YBEY: variants seen among roughly 807,000 people sequenced by gnomAD.
YBEY encodes the protein ybeY metalloendoribonuclease.
In YBEY, 15 loss-of-function variants were observed where a neutral mutation model predicts 13.5. The observed-to-expected ratio is 1.11, with a 90% confidence interval of 0.75 to 1.72. The LOEUF is 1.72. Among genes scored for constraint, YBEY ranks in the 40% most tolerant of loss-of-function variants. The probability of loss-of-function intolerance (pLI) is 0.00; values close to 1 mark genes in which losing one functional copy is unlikely to be tolerated. For synonymous variants in YBEY, 101 were observed against 83.1 expected, an observed-to-expected ratio of 1.21 and a Z score of -1.17; for missense variants, 244 against 208.4, an observed-to-expected ratio of 1.17 and a Z score of -1.05.
chr21:46,300,992 T>A (rs1294766168), downstream of YBEY: 1 of 859,914 alleles, frequency 1.2e-6, no homozygotes, highest in East Asian at 6.5e-5. Flanking sequence ...GAGCCGCCCT[T>A]CCACTGCCCA....
downstream of YBEY, chr21:46,301,195 G>A: frequency 1.7e-6 from 1 of 572,674 alleles, no homozygotes; most frequent in Non-Finnish European, 2.2e-6. Flanking sequence ...AGGCTATAGT[G>A]CAGTGGTTCC....
the YBEY span, among the ~76,000 whole-genome samples, chr21:46,304,590 C>T: frequency 6.6e-6 from 1 of 152,102 alleles, no homozygotes; most frequent in African/African-American, 2.4e-5. Flanking sequence ...ATGCCCACCA[C>T]GCTGGCAAAA....
chr21:46,310,852 A>G, the YBEY span, among the ~76,000 whole-genome samples: 2 of 151,242 alleles, frequency 1.3e-5, no homozygotes, highest in African/African-American at 2.4e-5. Flanking sequence ...TTAAAAATCA[A>G]GTATTTAAAA....
At chr21:46,295,652 C>G (rs1352644860) in intron 3 of YBEY, among the ~76,000 whole-genome samples, 1 of 152,196 alleles carries the variant, frequency 6.6e-6, no homozygotes, top group Non-Finnish European at 1.5e-5. Context: ...CTCTCCCGCA[C>G]TCCCTGTGCT....
chr21:46,294,604 C>G (rs1321655832), intron 3 of YBEY, among the ~76,000 whole-genome samples: 1 of 87,666 alleles, frequency 1.1e-5, no homozygotes, highest in African/African-American at 4.0e-5. Flanking sequence ...TGACCCGTGC[C>G]CGGGACTCAG....
intron 4 of YBEY, 121 bp downstream of exon 4, chr21:46,296,351 C>A (rs1229764862): frequency 1.9e-6 from 2 of 1,079,770 alleles, no homozygotes; most frequent in African/African-American, 1.6e-5. Flanking sequence ...CTCAGACCTG[C>A]CCTTGTAAAA....
At chr21:46,298,982 A>G (rs1475027386), downstream of YBEY, among the ~76,000 whole-genome samples, 3 of 151,336 alleles carry the variant, frequency 2.0e-5, no homozygotes, top group Admixed American at 6.6e-5. Flanking sequence ...TCAGCCTCCC[A>G]AAGTGCTGGG....
chr21:46,290,189 C>G (rs1229053877), intron 2 of YBEY, among the ~76,000 whole-genome samples: 1 of 149,872 alleles, frequency 6.7e-6, no homozygotes, highest in Non-Finnish European at 1.5e-5. Context: ...CTAATGGCTC[C>G]ATTTTTATTC....
intron 4 of YBEY, among the ~76,000 whole-genome samples, chr21:46,296,582 A>G (rs911781031): frequency 1.2e-4 from 19 of 152,186 alleles, no homozygotes; most frequent in African/African-American, 4.3e-4. Flanking sequence ...CTCCAGACCC[A>G]TGCGCTCCGC....
At position 46,297,640 on chromosome 21, in the gene YBEY, G is replaced by C; in HGVS notation, c.*6G>C. ...GCCTCTTCGGAGGGAGCTGAGGGCCGCGTTCCTTCTGAAAGCGGGACGCGG... is the reference window on the plus strand; with the variant it reads ...GCCTCTTCGGAGGGAGCTGAGGGCCCCGTTCCTTCTGAAAGCGGGACGCGG... On this transcript the variant is annotated 3_prime_UTR_variant, in exon 5 of 5. Transcript: ENST00000397701. 7.7e-7 allele frequency: 1 copy of C among 1,301,572 alleles called. No homozygotes were observed. Among genetic ancestry groups the C allele is most frequent in the Non-Finnish European group, 9.9e-7 (1 of 1,012,716 alleles). 80.6% of individuals were successfully genotyped at this position (1,301,572 alleles called of 1,614,324 possible).
At position 46,292,031 on chromosome 21, in the gene YBEY, C is replaced by G. The variant is rs548951064; in HGVS notation, c.339+569C>G. ...TTGGCAGGCAGGGGCTAGGGAATGC[C>G]TGCTGCTGATCGGCTGCAGACGGAC... On this transcript the variant is annotated intron_variant, in intron 3 of 4. Coordinates refer to ENST00000397701, the MANE Select transcript of YBEY (RefSeq NM_001314025.2). 137 of 210,622 alleles carry G rather than the reference C, an allele frequency of 6.5e-4. 2 individuals carry two copies. The South Asian group carries it at 0.02, about 31-fold the overall frequency. 13.0% of individuals were successfully genotyped at this position (210,622 alleles called of 1,614,324 possible).
chr21:46,304,451 A>G, the YBEY span, among the ~76,000 whole-genome samples: 2 of 151,394 alleles, frequency 1.3e-5, no homozygotes, highest in Non-Finnish European at 2.9e-5. Flanking sequence ...GCACCACTGC[A>G]CTCCAGCCTG....
the YBEY span, among the ~76,000 whole-genome samples, chr21:46,307,166 G>C: frequency 6.6e-6 from 1 of 152,074 alleles, no homozygotes; most frequent in Non-Finnish European, 1.5e-5. Flanking sequence ...AAAGTGCTGG[G>C]ATTACAGGTG....
downstream of YBEY, chr21:46,297,865 G>A: frequency 9.9e-7 from 1 of 1,005,600 alleles, no homozygotes; most frequent in Non-Finnish European, 1.3e-6. Flanking sequence ...ACCGCGCAGC[G>A]CTCGCCTCTC....
At chr21:46,292,436 C>A (rs1014003970) in intron 3 of YBEY, among the ~76,000 whole-genome samples, 22 of 152,164 alleles carry the variant, frequency 1.4e-4, no homozygotes, top group African/African-American at 5.1e-4. Context: ...CGGTCTTGAG[C>A]AAGGAGGGGA....
intron 2 of YBEY, among the ~76,000 whole-genome samples, chr21:46,287,958 G>A (rs550582435): frequency 2.6e-5 from 4 of 151,642 alleles, no homozygotes; most frequent in Non-Finnish European, 5.9e-5. Context: ...GTTGCAGTGA[G>A]CTGAGATCAC....
chr21:46,297,092 A>G (rs567093268), intron 4 of YBEY, among the ~76,000 whole-genome samples: 12 of 152,238 alleles, frequency 7.9e-5, no homozygotes, highest in African/African-American at 2.9e-4. Context: ...TGAGGTCAGG[A>G]GTTCAAGACC....
At chr21:46,311,795 C>G in the YBEY span, among the ~76,000 whole-genome samples, 18 of 151,506 alleles carry the variant, frequency 1.2e-4, no homozygotes, top group Non-Finnish European at 2.1e-4. Context: ...ATCCAACCAG[C>G]CAACCAACCA....
chr21:46,303,731 ATATATATATATATATTTTTTTTTTT>A, the YBEY span, among the ~76,000 whole-genome samples: 1 of 28,436 alleles, frequency 3.5e-5, no homozygotes, highest in South Asian at 1.1e-3. Context: ...ATATATATAT[ATATATATATATATATTTTTTTTTTT>A]TTTTTTTTTT....
Sources: allele counts gnomAD v4.1 joint callset (sites outside exome capture counted in the v4.1 genomes callset), GRCh38; gene constraint gnomAD v4.1.1; transcripts MANE v1.5; gene names NCBI Gene and HGNC (gene_info 2026-07-23, HGNC 2026-07-21).